The following VPS13D variants were observed in gnomAD, a reference collection of about 807,000 sequenced individuals.
VPS13D encodes the protein vacuolar protein sorting 13 homolog D, also known as intermembrane lipid transfer protein VPS13D.
In VPS13D, 187 loss-of-function variants were observed where a neutral mutation model predicts 461.9. The ratio of observed to expected loss-of-function variants is 0.40; its 90% CI spans 0.36 to 0.46. VPS13D has a LOEUF of 0.46. VPS13D is among the 20% of genes least tolerant of loss of function. The pLI, the probability that VPS13D is intolerant of heterozygous loss-of-function variation, is 0.60. For missense variants in VPS13D, 4,711 were observed against 5,364.9 expected (o/e 0.88, Z 3.81); for synonymous variants, 1,951 against 1,986.3 (o/e 0.98, Z 0.47).
At chr1:12,482,039 G>T (rs1319249105) in intron 67 of VPS13D, among the ~76,000 whole-genome samples, 1 of 152,232 alleles carries the variant, frequency 6.6e-6, no homozygotes, top group Non-Finnish European at 1.5e-5. Flanking sequence ...CTGCAAGCAA[G>T]AGAAGCCCGC....
At chr1:12,309,382 T>C (rs1642667395) in intron 27 of VPS13D, among the ~76,000 whole-genome samples, 2 of 151,954 alleles carry the variant, frequency 1.3e-5, no homozygotes, top group African/African-American at 4.8e-5. Context: ...AGCTAATTTT[T>C]GTGTTTTTAG....
chr1:12,284,845 A>G (rs1641914108), intron 21 of VPS13D, among the ~76,000 whole-genome samples: 1 of 152,194 alleles, frequency 6.6e-6, no homozygotes, highest in East Asian at 1.9e-4. Context: ...TTTCTTGTTC[A>G]GTGTCTGGTG....
chr1:12,235,230 A>G (rs189856973), intron 2 of VPS13D, among the ~76,000 whole-genome samples: 4 of 152,316 alleles, frequency 2.6e-5, no homozygotes, highest in African/African-American at 9.6e-5. Flanking sequence ...ACAGTGACAC[A>G]GCTGTTTGCG....
intron 66 of VPS13D, among the ~76,000 whole-genome samples, chr1:12,457,405 C>T (rs1478119664): frequency 6.6e-6 from 1 of 152,216 alleles, no homozygotes; most frequent in Non-Finnish European, 1.5e-5. Flanking sequence ...AGAGCACAGT[C>T]TGGGTTGTGT....
chr1:12,291,105 C>T lies in VPS13D; in HGVS notation c.5833C>T (p.Leu1945Phe). The T allele has an allele frequency of 6.2e-7, 1 of 1,612,394 alleles. No individual in the cohort carries two copies. Among genetic ancestry groups the T allele is most frequent in the Non-Finnish European group, 8.5e-7 (1 of 1,179,572 alleles). Reference sequence around the variant, plus strand: ...GTTCACTACCAGTGGTGAAGAAGCACTCATCTTCCAGACTTTTAAGTAAAA... The same window carrying T: ...GTTCACTACCAGTGGTGAAGAAGCATTCATCTTCCAGACTTTTAAGTAAAA... ...ERFTTSGEEA[L>F]IFQTFKYGRP... The change falls in exon 23 of 70, where the codon CTC becomes TTC. Residue 1945 changes from leucine (L) to phenylalanine (F), a missense_variant. By Grantham distance (22) the Leu-to-Phe change is conservative. Around this residue, in one of 3 missense-constraint regions of VPS13D, gnomAD observed 4,411 missense variants for 4,937.8 expected, o/e 0.89. Coordinates refer to ENST00000620676, the MANE Select transcript of VPS13D (RefSeq NM_015378.4).
chr1:12,493,370 C>T (rs1465583001), intron 67 of VPS13D, among the ~76,000 whole-genome samples: 1 of 151,358 alleles, frequency 6.6e-6, no homozygotes, highest in Non-Finnish European at 1.5e-5. Flanking sequence ...CTAATCCCAG[C>T]TACTCGGGAG....
intron 39 of VPS13D, 78 bp downstream of exon 39, chr1:12,335,905 G>A: frequency 6.3e-7 from 1 of 1,593,706 alleles, no homozygotes; most frequent in Non-Finnish European, 8.6e-7. Context: ...AATTCAAATG[G>A]AACCATCATT....
At chr1:12,281,078 G>C (rs1453285066) in intron 20 of VPS13D, among the ~76,000 whole-genome samples, 1 of 139,628 alleles carries the variant, frequency 7.2e-6, no homozygotes, top group Non-Finnish European at 1.6e-5. Context: ...TTTTTTTTTT[G>C]GTGAAATATT....
chr1:12,383,867 A>G (rs946871114), intron 58 of VPS13D, among the ~76,000 whole-genome samples: 6 of 152,234 alleles, frequency 3.9e-5, no homozygotes, highest in Non-Finnish European at 5.9e-5. Flanking sequence ...TACGATGTGG[A>G]AGTTGACTAG....
intron 65 of VPS13D, among the ~76,000 whole-genome samples, chr1:12,450,449 TTG>T (rs1358732652): frequency 2.0e-5 from 3 of 152,218 alleles, no homozygotes; most frequent in Non-Finnish European, 2.9e-5. Flanking sequence ...AGTCTCTGAC[TTG>T]TGGTGGTTTA....
At chr1:12,368,731 C>G in intron 53 of VPS13D, 140 bp downstream of exon 53, 1 of 1,081,062 alleles carries the variant, frequency 9.3e-7, no homozygotes. Flanking sequence ...TATATCTGGA[C>G]AAGCCTAGAA....
chr1:12,456,656 A>AAAAG (rs1316180945), intron 66 of VPS13D, among the ~76,000 whole-genome samples: 1 of 149,996 alleles, frequency 6.7e-6, no homozygotes, highest in Non-Finnish European at 1.5e-5. Context: ...AAAAAAAAAA[A>AAAAG]AAAAGAAAAG....
At chr1:12,433,925 A>AGAGAGG (rs1645025701) in intron 65 of VPS13D, among the ~76,000 whole-genome samples, 1 of 150,200 alleles carries the variant, frequency 6.7e-6, no homozygotes, top group Admixed American at 6.7e-5. Flanking sequence ...GGGGAGAGAG[A>AGAGAGG]GAGAGTGAGA....
intron 65 of VPS13D, among the ~76,000 whole-genome samples, chr1:12,452,541 G>A (rs1034447449): frequency 4.6e-5 from 7 of 152,158 alleles, no homozygotes; most frequent in African/African-American, 1.7e-4. Flanking sequence ...ATAATGGCTG[G>A]GCAGGACTTA....
intron 52 of VPS13D, among the ~76,000 whole-genome samples, chr1:12,364,478 T>C (rs1363069009): frequency 6.6e-6 from 1 of 152,242 alleles, no homozygotes; most frequent in African/African-American, 2.4e-5. Flanking sequence ...GACCCTGCTT[T>C]CAGTTATTTT....
rs1323394051 is a variant in VPS13D at position 12,502,462 on chromosome 1, G to T, written c.12795-4391G>T. On this transcript the variant is annotated intron_variant, in intron 68 of 69. Coordinates refer to ENST00000620676, the MANE Select transcript of VPS13D (RefSeq NM_015378.4). The surrounding 1 kb of genome is among the most constrained non-coding windows in gnomAD (Gnocchi z 4.3). The stretch of plus-strand genomic sequence containing the variant: ...CCCAGTGGACGAGCTGAGGTCCCCT[G>T]AAGAGGGCCTGGCACTCAGAGCGAC... Among the ~76,000 whole-genome samples, 3 of 152,058 alleles carry T rather than the reference G, an allele frequency of 2.0e-5. No individual in the cohort carries two copies. The highest frequency in any genetic ancestry group is 4.8e-5 in the African/African-American group (2 of 41,396).
chr1:12,397,055 T>A (rs141735097), intron 60 of VPS13D, among the ~76,000 whole-genome samples: 1 of 152,264 alleles, frequency 6.6e-6, no homozygotes, highest in Non-Finnish European at 1.5e-5. Context: ...AGCTTCAGCC[T>A]CCCAAATAGA....
intron 67 of VPS13D, among the ~76,000 whole-genome samples, chr1:12,493,515 T>C (rs1297815441): frequency 1.3e-5 from 2 of 151,552 alleles, no homozygotes; most frequent in African/African-American, 2.4e-5. Flanking sequence ...TAGAGTCCTT[T>C]CCCTCCAGGT....
chr1:12,403,990 G>A lies in VPS13D; in HGVS notation c.12030+17G>A, dbSNP rs749282589. On this transcript the variant is annotated intron_variant, in intron 63 of 69. Transcript: ENST00000620676. ...GATCTTAAGGTGAGCTGCTATTTGG[G>A]TAAATTTTTTTAGATGATTTTTCCT... is the stretch of plus-strand genomic sequence containing the variant. 2 of 1,563,370 alleles carry A rather than the reference G, an allele frequency of 1.3e-6. No homozygotes were observed. The highest frequency in any genetic ancestry group is 1.7e-6 in the Non-Finnish European group (2 of 1,159,070).
Sources: gnomAD v4.1 joint callset for allele counts (sites outside exome capture counted in the v4.1 genomes callset) on GRCh38, gnomAD v4.1.1 for gene constraint, gnomAD v4.1.1 regional missense constraint, Gnocchi (gnomAD v3.1) non-coding constraint, MANE v1.5 for transcripts, NCBI Gene and HGNC (gene_info 2026-07-23, HGNC 2026-07-21) for gene names.